Variants in DGKI observed in about 807,000 individuals in gnomAD.
DGKI encodes the protein diacylglycerol kinase iota.
Under a neutral mutation model 147.5 loss-of-function variants are expected in DGKI, and 55 were observed. The ratio of observed to expected loss-of-function variants is 0.37; its 90% CI spans 0.30 to 0.47. The LOEUF (loss-of-function observed/expected upper bound fraction) is 0.47, where lower values mean the gene tolerates loss of function less well. DGKI is among the 20% of genes least tolerant of loss of function. The pLI is 1.00. For missense variants in DGKI, 1,007 were observed against 1,323.8 expected, an observed-to-expected ratio of 0.76 and a Z score of 3.71; for synonymous variants, 469 against 477.1, an observed-to-expected ratio of 0.98 and a Z score of 0.22.
At chr7:137,426,728 A>G (rs908589642) in intron 28 of DGKI, among the ~76,000 whole-genome samples, 2 of 151,586 alleles carry the variant, frequency 1.3e-5, no homozygotes, top group African/African-American at 4.9e-5. Flanking sequence ...ATGGAAAACA[A>G]AAAAAGGCAG....
At chr7:137,633,747 AT>A (rs1821215500) in intron 6 of DGKI, among the ~76,000 whole-genome samples, 1 of 152,190 alleles carries the variant, frequency 6.6e-6, no homozygotes, top group South Asian at 2.1e-4. Flanking sequence ...TGGCAAATGA[AT>A]TTTTTCCATC....
At chr7:137,788,000 T>G (rs557863027) in intron 1 of DGKI, among the ~76,000 whole-genome samples, 32 of 152,210 alleles carry the variant, frequency 2.1e-4, no homozygotes, top group African/African-American at 6.7e-4. Flanking sequence ...AACTTATTCA[T>G]GTAACCAAAC....
chr7:137,823,341 T>C (rs955794891), intron 1 of DGKI, among the ~76,000 whole-genome samples: 3 of 152,180 alleles, frequency 2.0e-5, no homozygotes, highest in African/African-American at 7.2e-5. Context: ...TAAAATTATT[T>C]CCCATCTAGA....
intron 23 of DGKI, among the ~76,000 whole-genome samples, chr7:137,479,428 T>C (rs1045585081): frequency 1.3e-5 from 2 of 152,140 alleles, no homozygotes; most frequent in Admixed American, 1.3e-4. Flanking sequence ...CTCATATATA[T>C]ATATATTTCT....
intron 1 of DGKI, among the ~76,000 whole-genome samples, chr7:137,804,504 G>A (rs1797306319): frequency 6.6e-6 from 1 of 152,126 alleles, no homozygotes; most frequent in South Asian, 2.1e-4. Context: ...AATACAACTA[G>A]ACCAGCTATT....
intron 1 of DGKI, among the ~76,000 whole-genome samples, chr7:137,831,204 T>A (rs1357411197): frequency 6.6e-6 from 1 of 152,202 alleles, no homozygotes; most frequent in Non-Finnish European, 1.5e-5. Context: ...CCAATGATAT[T>A]TTATCAGTTA....
chr7:137,748,280 A>G lies in DGKI; in HGVS notation c.402-58278T>C, dbSNP rs1795402067. On this transcript the variant is annotated intron_variant, in intron 1 of 32. Coordinates refer to ENST00000614521, the MANE Select transcript of DGKI (RefSeq NM_001321708.2). ...AACATTTTAAATCACTCCACATATA[A>G]TACTATTTGTATTATACTTTCTTCT... Among the ~76,000 whole-genome samples the G allele has an allele frequency of 2.6e-5, 4 of 152,100 alleles. No individual in the cohort carries two copies. In the South Asian group the frequency reaches 8.3e-4, roughly 32 times the overall value.
chr7:137,832,464 C>T (rs1048592501), intron 1 of DGKI, among the ~76,000 whole-genome samples: 1 of 152,224 alleles, frequency 6.6e-6, no homozygotes, highest in Non-Finnish European at 1.5e-5. Flanking sequence ...AGGCTTGAAC[C>T]CTCTGAAGCA....
intron 20 of DGKI, among the ~76,000 whole-genome samples, chr7:137,541,930 A>C (rs1454902881): frequency 6.6e-6 from 1 of 152,188 alleles, no homozygotes; most frequent in African/African-American, 2.4e-5. Flanking sequence ...GTTTCACTCT[A>C]CAAAAGATAT....
chr7:137,724,948 A>G (rs1003391324), intron 1 of DGKI, among the ~76,000 whole-genome samples: 7 of 152,192 alleles, frequency 4.6e-5, no homozygotes, highest in Non-Finnish European at 8.8e-5. Flanking sequence ...TTAGAAGTTG[A>G]GAAGGTAAGA....
In DGKI at chr7:137,744,651, A is replaced by T. The variant is rs914092522; in HGVS notation, c.402-54649T>A. ...TAGAAGCAAATATCCTCAATAAAAC[A>T]CTAGCAAACTGAATCCAGCAGCATA... On this transcript the variant is annotated intron_variant, in intron 1 of 32. Transcript: ENST00000614521. Among the ~76,000 whole-genome samples the T allele has an allele frequency of 7.2e-5, 11 of 152,152 alleles. No individual in the cohort carries two copies. In the East Asian group the frequency reaches 9.7e-4, roughly 13 times the overall value.
chr7:137,536,563 G>A (rs911825632), intron 20 of DGKI, among the ~76,000 whole-genome samples: 1 of 152,116 alleles, frequency 6.6e-6, no homozygotes, highest in African/African-American at 2.4e-5. Flanking sequence ...ATTTTCTTAT[G>A]ATTCTAAGAT....
At chr7:137,843,999 C>T (rs1798635949) in intron 1 of DGKI, among the ~76,000 whole-genome samples, 1 of 152,178 alleles carries the variant, frequency 6.6e-6, no homozygotes, top group African/African-American at 2.4e-5. Flanking sequence ...TGCCTCCTCT[C>T]CATAAGCTCC....
At chr7:137,711,882 C>G (rs1037904032) in intron 1 of DGKI, among the ~76,000 whole-genome samples, 1 of 151,184 alleles carries the variant, frequency 6.6e-6, no homozygotes, top group African/African-American at 2.4e-5. Context: ...TTAGTAGAGA[C>G]GGGGTTTCAC....
At chr7:137,630,336 C>T (rs1385714480) in intron 6 of DGKI, among the ~76,000 whole-genome samples, 2 of 152,094 alleles carry the variant, frequency 1.3e-5, no homozygotes, top group Admixed American at 6.6e-5. Flanking sequence ...TTGGTAATCA[C>T]AATATATTAT....
intron 1 of DGKI, among the ~76,000 whole-genome samples, chr7:137,808,846 G>A (rs1407415414): frequency 1.3e-5 from 2 of 152,184 alleles, no homozygotes; most frequent in Non-Finnish European, 2.9e-5. Flanking sequence ...GAAGCCTGGC[G>A]TGGCTGGAAC....
At chr7:137,691,798 G>GTTTTTTTTTTTTGTTTTTTTTTTTTT in intron 1 of DGKI, among the ~76,000 whole-genome samples, 1 of 95,818 alleles carries the variant, frequency 1.0e-5, no homozygotes, top group Non-Finnish European at 2.0e-5. Flanking sequence ...AGACCTTTGG[G>GTTTTTTTTTTTTGTTTTTTTTTTTTT]TTTTTTTTTT....
chr7:137,640,097 G>C (rs1821570265), intron 6 of DGKI, among the ~76,000 whole-genome samples: 2 of 151,748 alleles, frequency 1.3e-5, no homozygotes, highest in African/African-American at 4.8e-5. Flanking sequence ...TTAATTACAG[G>C]CACTATGGTG....
At chr7:137,604,728 T>C (rs1046082465) in intron 10 of DGKI, among the ~76,000 whole-genome samples, 2 of 152,080 alleles carry the variant, frequency 1.3e-5, no homozygotes, top group African/African-American at 4.8e-5. Context: ...TGCTTTACCC[T>C]GAAGTTAAAG....
Sources: allele counts gnomAD v4.1 joint callset (sites outside exome capture counted in the v4.1 genomes callset), GRCh38; gene constraint gnomAD v4.1.1; transcripts MANE v1.5; gene names NCBI Gene and HGNC (gene_info 2026-07-23, HGNC 2026-07-21).